The following LHFPL6 variants were observed in gnomAD, a reference collection of about 807,000 sequenced individuals.
LHFPL6 encodes the protein LHFPL tetraspan subfamily member 6 protein.
In LHFPL6, 9 loss-of-function variants were observed where a neutral mutation model predicts 20.6. The ratio of observed to expected loss-of-function variants is 0.44; its 90% CI spans 0.26 to 0.76. The LOEUF (loss-of-function observed/expected upper bound fraction) is 0.76, where lower values mean the gene tolerates loss of function less well. Ranked by LOEUF, LHFPL6 falls within the 30% of genes least tolerant of loss-of-function variation. The pLI is 0.20. For synonymous variants in LHFPL6, 105 were observed against 98.7 expected (o/e 1.06, Z -0.38); for missense variants, 218 against 253.5 (o/e 0.86, Z 0.95).
intron 2 of LHFPL6, among the ~76,000 whole-genome samples, chr13:39,494,192 G>T (rs1238707153): frequency 1.3e-5 from 2 of 152,206 alleles, no homozygotes; most frequent in Non-Finnish European, 2.9e-5. Flanking sequence ...CCTGTGAAAA[G>T]GCAGGAAGCA....
At chr13:39,593,070 G>T (rs1872661024) in intron 2 of LHFPL6, among the ~76,000 whole-genome samples, 1 of 152,216 alleles carries the variant, frequency 6.6e-6, no homozygotes, top group Non-Finnish European at 1.5e-5. Flanking sequence ...ACAAGACAGG[G>T]ATGCCCTCTC....
At chr13:39,374,378 T>A (rs1226114058) in intron 3 of LHFPL6, among the ~76,000 whole-genome samples, 2 of 152,032 alleles carry the variant, frequency 1.3e-5, no homozygotes, top group African/African-American at 4.8e-5. Context: ...TGGGGACTAC[T>A]ATGAGGGGAG....
chr13:39,465,848 CAA>C (rs1388368699), intron 2 of LHFPL6, among the ~76,000 whole-genome samples: 2 of 151,970 alleles, frequency 1.3e-5, no homozygotes, highest in Non-Finnish European at 2.9e-5. Context: ...CCTTTCACTG[CAA>C]AAGAGTCTAG....
chr13:39,441,447 G>A (rs375728040), intron 2 of LHFPL6, among the ~76,000 whole-genome samples: 40 of 151,958 alleles, frequency 2.6e-4, no homozygotes, highest in African/African-American at 9.4e-4. Context: ...AAAGTCTACC[G>A]CCTTCCTGAT....
chr13:39,377,418 G>A (rs1190140879), intron 3 of LHFPL6, among the ~76,000 whole-genome samples: 1 of 152,026 alleles, frequency 6.6e-6, no homozygotes, highest in Admixed American at 6.6e-5. Context: ...TGTTTTATGG[G>A]TTCATATTCT....
At chr13:39,441,342 T>C (rs1872127676) in intron 2 of LHFPL6, among the ~76,000 whole-genome samples, 1 of 151,690 alleles carries the variant, frequency 6.6e-6, no homozygotes, top group Non-Finnish European at 1.5e-5. Flanking sequence ...AAGTCAAAAA[T>C]ACCTAACAAA....
At chr13:39,568,903 T>C (rs150469839) in intron 2 of LHFPL6, among the ~76,000 whole-genome samples, 34 of 152,322 alleles carry the variant, frequency 2.2e-4, no homozygotes, top group African/African-American at 7.5e-4. Flanking sequence ...GGGATTTCTA[T>C]TGAACTTTCA....
At chr13:39,565,989 A>G (rs541564779) in intron 2 of LHFPL6, among the ~76,000 whole-genome samples, 1 of 152,254 alleles carries the variant, frequency 6.6e-6, no homozygotes, top group Non-Finnish European at 1.5e-5. Context: ...TTATGGTTTA[A>G]TTGGATTTTT....
At chr13:39,535,048 G>A (rs1006889309) in intron 2 of LHFPL6, among the ~76,000 whole-genome samples, 3 of 152,076 alleles carry the variant, frequency 2.0e-5, no homozygotes, top group Admixed American at 6.6e-5. Flanking sequence ...TCACACCCCC[G>A]GGCCTTTCTT....
At chr13:39,430,948 A>G (rs1454903282) in intron 2 of LHFPL6, among the ~76,000 whole-genome samples, 1 of 152,180 alleles carries the variant, frequency 6.6e-6, no homozygotes, top group Non-Finnish European at 1.5e-5. Context: ...ACTCTTCACA[A>G]TAAATCTTGC....
intron 2 of LHFPL6, among the ~76,000 whole-genome samples, chr13:39,532,668 A>G (rs1870500426): frequency 6.6e-6 from 1 of 152,194 alleles, no homozygotes; most frequent in South Asian, 2.1e-4. Context: ...CATCCTTAAT[A>G]GAGACAGAAT....
In LHFPL6 at chr13:39,419,840, G is replaced by A. The variant is rs1400126780; in HGVS notation, c.386-41314C>T. Among the ~76,000 whole-genome samples the A allele has an allele frequency of 2.6e-5, 4 of 152,092 alleles. No homozygotes were observed. The East Asian group carries it at 7.7e-4, about 29-fold the overall frequency. Reference sequence around the variant, plus strand: ...CCTAAGGTAAACCTCACCAATATAGGTTATGATTGACTAAATTTTTTTTAG... The same window carrying A: ...CCTAAGGTAAACCTCACCAATATAGATTATGATTGACTAAATTTTTTTTAG... On this transcript the variant is annotated intron_variant, in intron 2 of 3. Transcript: ENST00000379589.
Position 39,557,894 on chromosome 13 carries a change from T to A in LHFPL6, c.385+42938A>T, listed in dbSNP as rs1344703861. Among the ~76,000 whole-genome samples, 5 of 152,320 alleles carry A rather than the reference T, an allele frequency of 3.3e-5. No homozygotes were observed. The South Asian group carries it at 8.3e-4, about 25-fold the overall frequency. On this transcript the variant is annotated intron_variant, in intron 2 of 3. Transcript: ENST00000379589. ...TTAGTTTATGCAAGATGTGGTTGTTTAAGAGTCTTGGAGCTCCCCCTTTGC... is the reference window on the plus strand; with the variant it reads ...TTAGTTTATGCAAGATGTGGTTGTTAAAGAGTCTTGGAGCTCCCCCTTTGC...
intron 2 of LHFPL6, among the ~76,000 whole-genome samples, chr13:39,431,717 TG>T (rs34788149): frequency 0.17 from 16,675 of 95,786 alleles, 1,455 homozygotes; most frequent in South Asian, 0.33. Flanking sequence ...GTAGAATTTG[TG>T]GGGGGGGGGG....
chr13:39,490,573 T>G (rs1038379244), intron 2 of LHFPL6, among the ~76,000 whole-genome samples: 5 of 152,176 alleles, frequency 3.3e-5, no homozygotes, highest in African/African-American at 1.2e-4. Context: ...AGGGCTACAG[T>G]AAGTCAGTAG....
chr13:39,539,921 T>C (rs533431756), intron 2 of LHFPL6, among the ~76,000 whole-genome samples: 1 of 152,348 alleles, frequency 6.6e-6, no homozygotes, highest in East Asian at 1.9e-4. Context: ...CTGCATGTAA[T>C]ACACTTTTAT....
chr13:39,574,237 C>T (rs1160961318), intron 2 of LHFPL6, among the ~76,000 whole-genome samples: 1 of 152,152 alleles, frequency 6.6e-6, no homozygotes, highest in Non-Finnish European at 1.5e-5. Flanking sequence ...AATCCCAGCA[C>T]TTTGGGAGGC....
intron 2 of LHFPL6, among the ~76,000 whole-genome samples, chr13:39,449,134 C>T (rs951608562): frequency 6.6e-6 from 1 of 152,236 alleles, no homozygotes; most frequent in African/African-American, 2.4e-5. Context: ...CATGGGCCTC[C>T]AGCACTCACA....
chr13:39,553,951 A>G (rs770239102), intron 2 of LHFPL6, among the ~76,000 whole-genome samples: 3 of 152,030 alleles, frequency 2.0e-5, no homozygotes, highest in Non-Finnish European at 4.4e-5. Context: ...CACCCCACCA[A>G]CCCATCAGCT....
Sources: allele counts gnomAD v4.1 joint callset (sites outside exome capture counted in the v4.1 genomes callset), GRCh38; gene constraint gnomAD v4.1.1; transcripts MANE v1.5; gene names NCBI Gene and HGNC (gene_info 2026-07-23, HGNC 2026-07-21).